Variants in TICAM1 observed in about 807,000 individuals in gnomAD.
The protein encoded by TICAM1 is TIR domain containing adaptor molecule 1.
For synonymous variants in TICAM1, 439 were observed against 415.4 expected (o/e 1.06, Z -0.69); for missense variants, 895 against 938.2 (o/e 0.95, Z 0.60).
Position 4,816,123 on chromosome 19 carries a change from G to A in TICAM1, c.*116C>T. 1.5e-6 allele frequency: 2 copies of A among 1,334,228 alleles called. No homozygotes were observed. Among genetic ancestry groups the A allele is most frequent in the East Asian group, 2.7e-5 (1 of 37,026 alleles). 82.6% of individuals were successfully genotyped at this position (1,334,228 alleles called of 1,614,324 possible). ...CCCGGACAATGTCCTGAAAGTGGCAGATGACCTCATCTTCCACTGTCCACA... is the reference window on the plus strand; with the variant it reads ...CCCGGACAATGTCCTGAAAGTGGCAAATGACCTCATCTTCCACTGTCCACA... On this transcript the variant is annotated 3_prime_UTR_variant, in exon 2 of 2. Coordinates refer to ENST00000248244, the MANE Select transcript of TICAM1 (RefSeq NM_182919.4). The surrounding 1 kb of genome is among the most constrained non-coding windows in gnomAD (Gnocchi z 4.3).
intron 1 of TICAM1, among the ~76,000 whole-genome samples, chr19:4,819,992 G>A (rs1364583449): frequency 6.6e-6 from 1 of 152,148 alleles, no homozygotes; most frequent in East Asian, 1.9e-4. Flanking sequence ...GACATTAACA[G>A]AATATGGCAA....
In TICAM1 at chr19:4,816,024, A is replaced by G; in HGVS notation, c.*215T>C. 3.7e-6 allele frequency: 2 copies of G among 545,002 alleles called. No homozygotes were observed. Among genetic ancestry groups the G allele is most frequent in the Non-Finnish European group, 2.8e-6 (1 of 360,994 alleles). 33.8% of individuals were successfully genotyped at this position (545,002 alleles called of 1,614,324 possible). ...CCAGAAATAGAGAGATTGGAATTGT[A>G]AACACCGTATCCAGTTCTGACCACC... On this transcript the variant is annotated 3_prime_UTR_variant, in exon 2 of 2. Transcript: ENST00000248244. The surrounding 1 kb of genome is among the most constrained non-coding windows in gnomAD (Gnocchi z 4.3).
chr19:4,825,499 G>A (rs1461775478), intron 1 of TICAM1, among the ~76,000 whole-genome samples: 1 of 151,784 alleles, frequency 6.6e-6, no homozygotes, highest in Non-Finnish European at 1.5e-5. Flanking sequence ...GGGATTACAG[G>A]CGTGAGCCAC....
Position 4,818,406 on chromosome 19 carries a change from C to A in TICAM1, c.-29G>T. The A allele has an allele frequency of 6.5e-7, 1 of 1,546,498 alleles. No individual in the cohort carries two copies. On this transcript the variant is annotated 5_prime_UTR_variant, in exon 2 of 2. Transcript: ENST00000248244. This position sits in a 1 kb window ranked among gnomAD's most constrained non-coding sequence, Gnocchi z 4.0. ...CACAGGTGGGTGCAGCCTCCGGCAG[C>A]AGAAGCTGGAGGTGGTGAAGGCATG... is the stretch of plus-strand genomic sequence containing the variant.
chr19:4,827,040 AC>A (rs1405327565), intron 1 of TICAM1, among the ~76,000 whole-genome samples: 1 of 152,016 alleles, frequency 6.6e-6, no homozygotes, highest in African/African-American at 2.4e-5. Flanking sequence ...TAATGCAGGC[AC>A]AATCGGACAA....
chr19:4,828,535 A>ACATATATAT (rs1215458221), intron 1 of TICAM1, among the ~76,000 whole-genome samples: 1 of 142,930 alleles, frequency 7.0e-6, no homozygotes, highest in Admixed American at 7.2e-5. Flanking sequence ...AAATATATAT[A>ACATATATAT]CATATATATA....
Position 4,817,573 on chromosome 19 carries a change from T to C in TICAM1, c.805A>G (p.Ser269Gly). 2 of 1,611,644 alleles carry C rather than the reference T, an allele frequency of 1.2e-6. No homozygotes were observed. The highest frequency in any genetic ancestry group is 2.2e-5 in the East Asian group (1 of 44,862). The part of the protein sequence containing the change: ...GEIASPPELP[S>G]SPPPGLPEVA... The stretch of plus-strand genomic sequence containing the variant: ...TCGGGAAGCCCAGGAGGTGGGCTGC[T>C]TGGCAGCTCTGGTGGGCTGGCAATC... The change falls in exon 2 of 2, where the codon AGC becomes GGC. Residue 269 changes from serine to glycine, a missense_variant. Physicochemically the swap from Ser to Gly is moderately conservative, Grantham distance 56. Transcript: ENST00000248244. The surrounding 1 kb of genome is among the most constrained non-coding windows in gnomAD (Gnocchi z 4.7).
Position 4,818,622 on chromosome 19 carries a change from GC to G in TICAM1, c.-139-107del. 1 of 666,086 alleles carries G rather than the reference GC, an allele frequency of 1.5e-6. No homozygotes were observed. The highest frequency in any genetic ancestry group is 2.3e-6 in the Non-Finnish European group (1 of 440,184). The allele number at this position is 666,086 out of a possible 1,614,324, so 41.3% of individuals were successfully genotyped here. A position where few individuals can be genotyped will look rare whatever the true frequency, so the allele number is the denominator to read the frequency against. ...TTTCCCCGCCTGCCACCCAGACCTA[GC>G]CAGGTGACCTTCGGCAACACGTCGC... On this transcript the variant is annotated intron_variant, in intron 1 of 1. Coordinates refer to ENST00000248244, the MANE Select transcript of TICAM1 (RefSeq NM_182919.4). The surrounding 1 kb of genome is among the most constrained non-coding windows in gnomAD (Gnocchi z 4.0).
chr19:4,823,728 G>C (rs568762881), intron 1 of TICAM1, among the ~76,000 whole-genome samples: 28 of 152,226 alleles, frequency 1.8e-4, no homozygotes, highest in African/African-American at 6.5e-4. Flanking sequence ...GAAGGCGGCC[G>C]TCTGCAAGCT....
Position 4,816,581 on chromosome 19 carries a change from A to C in TICAM1, c.1797T>G (p.Thr599=), listed in dbSNP as rs370342886. 13 of 1,613,362 alleles carry C rather than the reference A, an allele frequency of 8.1e-6. No homozygotes were observed. In the African/African-American group the frequency reaches 1.6e-4, roughly 20 times the overall value. The change falls in exon 2 of 2, where the codon ACT becomes ACG. Residue 599 remains threonine (T), a synonymous_variant. Transcript: ENST00000248244. This position sits in a 1 kb window ranked among gnomAD's most constrained non-coding sequence, Gnocchi z 4.3. ...GCATTCGAGCCCCATAGGGCGCCCC[A>C]GTCCCAAATGACATGTGGCTCCCAA... ...VAFGSHMSFG[T]GAPYGARMPF...
intron 1 of TICAM1, among the ~76,000 whole-genome samples, chr19:4,830,390 G>C (rs553325373): frequency 1.3e-5 from 2 of 152,116 alleles, no homozygotes; most frequent in South Asian, 4.2e-4. Context: ...CTTTCTTTTT[G>C]AATTTTTTTG....
In TICAM1 at chr19:4,818,638, C is replaced by T. The variant is rs2093592166; in HGVS notation, c.-139-122G>A. The T allele has an allele frequency of 1.2e-5, 6 of 497,978 alleles. No homozygotes were observed. The highest frequency in any genetic ancestry group is 2.0e-5 in the Non-Finnish European group (6 of 300,444). The allele number at this position is 497,978 out of a possible 1,614,324, so 30.8% of individuals were successfully genotyped here. A position where few individuals can be genotyped will look rare whatever the true frequency, so the allele number is the denominator to read the frequency against. On this transcript the variant is annotated intron_variant, in intron 1 of 1. Transcript: ENST00000248244. The surrounding 1 kb of genome is among the most constrained non-coding windows in gnomAD (Gnocchi z 4.0). ...CCAGACCTAGCCAGGTGACCTTCGG[C>T]AACACGTCGCCTCCTTCAACTTCCA...
rs1284363590 is a variant in TICAM1, at chr19:4,816,746, C to T, written c.1632G>A (p.Gln544=). The T allele has an allele frequency of 1.9e-6, 3 of 1,613,686 alleles. No homozygotes were observed. The East Asian group carries it at 6.7e-5, about 36-fold the overall frequency. Residue 544 remains glutamine (Q), a synonymous_variant, in exon 2 of 2, where the codon CAG becomes CAA. Transcript: ENST00000248244. This position sits in a 1 kb window ranked among gnomAD's most constrained non-coding sequence, Gnocchi z 4.3. ...TCTGTTCCCGCAGGGCTCGGGTGTC[C>T]TGTTCCTTCCTCCACATGGCCTTTC... The part of the protein sequence containing the change: ...QARKAMWRKE[Q]DTRALREQSQ...
In TICAM1 at chr19:4,816,476, G is replaced by A. The variant is rs747059000; in HGVS notation, c.1902C>T (p.His634=). Residue 634 remains histidine (H), a synonymous_variant, in exon 2 of 2, where the codon CAC becomes CAT. Coordinates refer to ENST00000248244, the MANE Select transcript of TICAM1 (RefSeq NM_182919.4). This position sits in a 1 kb window ranked among gnomAD's most constrained non-coding sequence, Gnocchi z 4.3. Reference sequence around the variant, plus strand: ...GTGGGGGGGTGCCAGCCTGCCATGCGTGCAGGGGTGGCGGCTGCGGGCACC... The same window carrying A: ...GTGGGGGGGTGCCAGCCTGCCATGCATGCAGGGGTGGCGGCTGCGGGCACC... ...WPGCPQPPPL[H]AWQAGTPPPP... is the part of the protein sequence containing the mutation. 20 of 1,568,262 alleles carry A rather than the reference G, an allele frequency of 1.3e-5. No homozygotes were observed. In the Admixed American group the frequency reaches 3.1e-4, roughly 24 times the overall value.
At position 4,817,994 on chromosome 19, in the gene TICAM1, C is replaced by T. The variant is rs749587977; in HGVS notation, c.384G>A (p.Arg128=). 3 of 1,612,700 alleles carry T rather than the reference C, an allele frequency of 1.9e-6. No individual in the cohort carries two copies. The highest frequency in any genetic ancestry group is 2.5e-6 in the Non-Finnish European group (3 of 1,179,868). The change falls in exon 2 of 2, where the codon AGG becomes AGA. Residue 128 remains arginine (R), a synonymous_variant. Transcript: ENST00000248244. This position sits in a 1 kb window ranked among gnomAD's most constrained non-coding sequence, Gnocchi z 4.7. The part of the protein sequence containing the change: ...YQEAVRTLSS[R]DDHRLGELQD... ...GAAGTTCCCCCAGCCGGTGGTCGTC[C>T]CTGGAGCTGAGGGTGCGGACGGCTT...
intron 1 of TICAM1, among the ~76,000 whole-genome samples, chr19:4,828,764 G>A (rs919959111): frequency 1.3e-5 from 2 of 149,046 alleles, no homozygotes; most frequent in African/African-American, 2.5e-5. Context: ...GTGCAGTGGC[G>A]CGATCTCGGC....
At chr19:4,831,360 T>C (rs1480133783) in intron 1 of TICAM1, among the ~76,000 whole-genome samples, 1 of 129,876 alleles carries the variant, frequency 7.7e-6, no homozygotes, top group African/African-American at 2.9e-5. Flanking sequence ...GGTCAGGCTG[T>C]CGGGGAGGAA....
intron 1 of TICAM1, among the ~76,000 whole-genome samples, chr19:4,830,528 C>A (rs867089095): frequency 1.3e-5 from 2 of 152,278 alleles, no homozygotes; most frequent in Middle Eastern, 6.8e-3. Context: ...TCTCATGCAG[C>A]CTTTCATGCA....
intron 1 of TICAM1, among the ~76,000 whole-genome samples, chr19:4,821,816 G>C (rs963707536): frequency 6.6e-6 from 1 of 151,458 alleles, no homozygotes; most frequent in Non-Finnish European, 1.5e-5. Context: ...GGTTAATTTT[G>C]TATTTTTAGT....
Sources: allele counts gnomAD v4.1 joint callset (sites outside exome capture counted in the v4.1 genomes callset), GRCh38; gene constraint gnomAD v4.1.1; non-coding constraint Gnocchi (gnomAD v3.1); transcripts MANE v1.5; gene names NCBI Gene and HGNC (gene_info 2026-07-23, HGNC 2026-07-21).